CLASP2: variants seen among roughly 807,000 people sequenced by gnomAD.
CLASP2 encodes the protein cytoplasmic linker associated protein 2.
CLASP2 carries 47 observed loss-of-function variants against 194.4 expected under a neutral mutation model. The ratio of observed to expected loss-of-function variants is 0.24; its 90% CI spans 0.19 to 0.31. The LOEUF (loss-of-function observed/expected upper bound fraction) is 0.31. Among genes scored for constraint, CLASP2 ranks in the 10% least tolerant of loss-of-function variants. CLASP2 has a pLI of 1.00. For synonymous variants in CLASP2, 619 were observed against 633.5 expected, an observed-to-expected ratio of 0.98 and a Z score of 0.34; for missense variants, 1,445 against 1,823.6, an observed-to-expected ratio of 0.79 and a Z score of 3.78.
chr3:33,527,987 A>G (rs1358239902), intron 34 of CLASP2, among the ~76,000 whole-genome samples: 1 of 151,910 alleles, frequency 6.6e-6, no homozygotes, highest in Non-Finnish European at 1.5e-5. Flanking sequence ...AACCACAACA[A>G]CAAAAAAGAA....
chr3:33,535,221 C>T lies in CLASP2; in HGVS notation c.3787+12G>A. 1 of 1,593,918 alleles carries T rather than the reference C, an allele frequency of 6.3e-7. No homozygotes were observed. The highest frequency in any genetic ancestry group is 8.6e-7 in the Non-Finnish European group (1 of 1,161,940). On this transcript the variant is annotated intron_variant, in intron 34 of 38. Transcript: ENST00000682230. ...TCCAAAACAGACAGTAGCAGTGTGA[C>T]CCAGAACATACCGTCAGGAAACTGG...
intron 7 of CLASP2, among the ~76,000 whole-genome samples, chr3:33,653,541 A>G (rs570118426): frequency 6.8e-6 from 1 of 148,008 alleles, no homozygotes; most frequent in South Asian, 2.1e-4. Flanking sequence ...CTGTAAAAAG[A>G]TATTTATAAA....
At chr3:33,533,723 C>CT (rs994522110) in intron 34 of CLASP2, among the ~76,000 whole-genome samples, 12 of 151,112 alleles carry the variant, frequency 7.9e-5, no homozygotes, top group East Asian at 5.8e-4. Context: ...CTTTATTGCT[C>CT]TTTTTTTTTG....
At chr3:33,602,828 T>A in intron 18 of CLASP2, 124 bp downstream of exon 18, 1 of 1,023,238 alleles carries the variant, frequency 9.8e-7, no homozygotes, top group Non-Finnish European at 1.5e-6. Flanking sequence ...TATAGAATTA[T>A]ATTAAAACAT....
In CLASP2 at chr3:33,496,491, A is replaced by G. The variant is rs144417703; in HGVS notation, c.*2140T>C. ...TTATCAACTGAGATTATAAAATTGT[A>G]AACACAATTTTTCCATGTTTACATC... On this transcript the variant is annotated 3_prime_UTR_variant, in exon 39 of 39. Transcript: ENST00000682230. The G allele has an allele frequency of 1.8e-4, 27 of 152,320 alleles. No homozygotes were observed. In the East Asian group the frequency reaches 4.6e-3, roughly 26 times the overall value. 9.4% of individuals were successfully genotyped at this position (152,320 alleles called of 1,614,324 possible). A position where few individuals can be genotyped will look rare whatever the true frequency, so the allele number is the denominator to read the frequency against.
intron 6 of CLASP2, among the ~76,000 whole-genome samples, chr3:33,670,481 A>C (rs1033166923): frequency 3.3e-5 from 5 of 152,234 alleles, no homozygotes; most frequent in African/African-American, 1.2e-4. Flanking sequence ...CATATGTAAG[A>C]AGCTTGGAAA....
intron 24 of CLASP2, chr3:33,574,590 A>G: frequency 1.5e-6 from 1 of 664,228 alleles, no homozygotes; most frequent in South Asian, 1.9e-5. Flanking sequence ...AATGCCTATG[A>G]TCAGAAACAT....
intron 7 of CLASP2, among the ~76,000 whole-genome samples, chr3:33,651,018 A>C (rs2083090236): frequency 6.6e-6 from 1 of 152,226 alleles, no homozygotes. Context: ...TCAGTTTATA[A>C]CAAAACATGA....
At chr3:33,515,896 C>T (rs2154099526) in intron 36 of CLASP2, 127 bp downstream of exon 36, 1 of 821,446 alleles carries the variant, frequency 1.2e-6, no homozygotes, top group East Asian at 3.0e-5. Flanking sequence ...GCATCTCGAT[C>T]AGGTATTACC....
At chr3:33,607,742 A>C (rs1228351286) in intron 14 of CLASP2, among the ~76,000 whole-genome samples, 3 of 152,128 alleles carry the variant, frequency 2.0e-5, no homozygotes, top group African/African-American at 4.8e-5. Flanking sequence ...ATAGTACCTA[A>C]ATTTTTAATT....
At chr3:33,564,439 C>G (rs1301805166) in intron 27 of CLASP2, among the ~76,000 whole-genome samples, 1 of 152,106 alleles carries the variant, frequency 6.6e-6, no homozygotes, top group Non-Finnish European at 1.5e-5. Context: ...AGCTTATGTT[C>G]TATTAAGATC....
Position 33,510,544 on chromosome 3 carries a change from G to C in CLASP2, c.4317+14C>G. 1 of 1,611,946 alleles carries C rather than the reference G, an allele frequency of 6.2e-7. No homozygotes were observed. The highest frequency in any genetic ancestry group is 8.5e-7 in the Non-Finnish European group (1 of 1,178,212). On this transcript the variant is annotated intron_variant, in intron 37 of 38. Coordinates refer to ENST00000682230, the MANE Select transcript of CLASP2 (RefSeq NM_001365631.1). Reference sequence around the variant, plus strand: ...TGTATCATGGCTTATTCCTCTCCAAGCTTTGTTGCTTACCTGTATTAGACC... The same window carrying C: ...TGTATCATGGCTTATTCCTCTCCAACCTTTGTTGCTTACCTGTATTAGACC...
intron 7 of CLASP2, among the ~76,000 whole-genome samples, chr3:33,651,254 A>G (rs993367737): frequency 6.6e-6 from 1 of 152,006 alleles, no homozygotes; most frequent in Non-Finnish European, 1.5e-5. Context: ...ATGGTGGCGC[A>G]TGCCTGTAAT....
intron 21 of CLASP2, chr3:33,592,103 T>C (rs531445358): frequency 3.2e-5 from 21 of 647,180 alleles, no homozygotes; most frequent in Non-Finnish European, 5.8e-5. Context: ...TCTTTGTAAG[T>C]GGCAGATATC....
intron 7 of CLASP2, chr3:33,659,226 T>C (rs2084869626): frequency 7.7e-7 from 1 of 1,298,946 alleles, no homozygotes; most frequent in Non-Finnish European, 9.7e-7. Context: ...TAGAAGGACT[T>C]GATTAAGATT....
intron 6 of CLASP2, among the ~76,000 whole-genome samples, chr3:33,676,774 A>G (rs1181517358): frequency 2.6e-5 from 4 of 152,098 alleles, no homozygotes; most frequent in Admixed American, 6.6e-5. Context: ...GCAACCTACA[A>G]AATGGGAGAA....
At chr3:33,515,627 C>T (rs188905487) in intron 36 of CLASP2, among the ~76,000 whole-genome samples, 5 of 152,076 alleles carry the variant, frequency 3.3e-5, no homozygotes, top group Admixed American at 1.3e-4. Context: ...CCAGCCTGGG[C>T]GACAGAGTGA....
chr3:33,599,064 G>A (rs1020309000), intron 18 of CLASP2, among the ~76,000 whole-genome samples: 7 of 152,026 alleles, frequency 4.6e-5, no homozygotes, highest in Non-Finnish European at 1.0e-4. Flanking sequence ...CTTCCAAATC[G>A]AATCTAATCA....
chr3:33,660,084 C>T (rs1459434966), intron 7 of CLASP2, among the ~76,000 whole-genome samples: 1 of 152,224 alleles, frequency 6.6e-6, no homozygotes, highest in African/African-American at 2.4e-5. Flanking sequence ...CCTAAACACA[C>T]ACTCGACAAA....
Sources: allele counts gnomAD v4.1 joint callset (sites outside exome capture counted in the v4.1 genomes callset), GRCh38; gene constraint gnomAD v4.1.1; transcripts MANE v1.5; gene names NCBI Gene and HGNC (gene_info 2026-07-23, HGNC 2026-07-21).